PCNX2: variants seen among roughly 807,000 people sequenced by gnomAD.
The protein encoded by PCNX2 is pecanex 2.
A neutral mutation model predicts 223.8 loss-of-function variants in PCNX2; 168 were observed. That is an observed-to-expected ratio of 0.75 (90% confidence interval 0.66 to 0.85). The LOEUF is 0.85. PCNX2 is among the 40% of genes least tolerant of loss of function. PCNX2 has a pLI of 0.00. For missense variants in PCNX2, 2,507 were observed against 2,675.5 expected, an observed-to-expected ratio of 0.94 and a Z score of 1.39; for synonymous variants, 1,006 against 1,052.6, an observed-to-expected ratio of 0.96 and a Z score of 0.86.
At chr1:233,239,280 C>T (rs926500865) in intron 8 of PCNX2, among the ~76,000 whole-genome samples, 15 of 152,252 alleles carry the variant, frequency 9.9e-5, no homozygotes, top group East Asian at 9.6e-4. Flanking sequence ...GAATTGACTA[C>T]GACATAATGT....
chr1:233,192,177 C>G (rs1180081076), intron 15 of PCNX2, among the ~76,000 whole-genome samples: 2 of 152,138 alleles, frequency 1.3e-5, no homozygotes, highest in Non-Finnish European at 2.9e-5. Context: ...AGACAAAAGT[C>G]ATAAAATCTA....
chr1:233,167,969 C>T (rs1219641602), intron 17 of PCNX2: 1 of 338,466 alleles, frequency 3.0e-6, no homozygotes, highest in Non-Finnish European at 4.2e-6. Flanking sequence ...CTGGTACTGC[C>T]CTCTTCCTTC....
the PCNX2 span, among the ~76,000 whole-genome samples, chr1:233,316,772 G>C: frequency 2.0e-5 from 3 of 151,974 alleles, no homozygotes; most frequent in Admixed American, 6.6e-5. Flanking sequence ...CTGAATACCA[G>C]GTTAACCCCC....
chr1:233,283,620 T>A (rs1661297656), intron 1 of PCNX2, among the ~76,000 whole-genome samples: 1 of 152,080 alleles, frequency 6.6e-6, no homozygotes, highest in African/African-American at 2.4e-5. Context: ...TAGGAATAGA[T>A]TATACTCCCA....
chr1:233,028,812 C>A (rs1172133938), intron 25 of PCNX2, among the ~76,000 whole-genome samples: 1 of 145,832 alleles, frequency 6.9e-6, no homozygotes. Flanking sequence ...ATTTATCCAA[C>A]TTTTTAAATT....
chr1:233,208,148 G>A (rs547940237), intron 13 of PCNX2, among the ~76,000 whole-genome samples: 130 of 152,140 alleles, frequency 8.5e-4, no homozygotes, highest in Non-Finnish European at 1.4e-3. Flanking sequence ...TAGTAGAGAC[G>A]GGGTTTCACC....
intron 15 of PCNX2, among the ~76,000 whole-genome samples, chr1:233,192,082 C>T (rs1280698587): frequency 1.3e-5 from 2 of 152,176 alleles, no homozygotes; most frequent in Non-Finnish European, 2.9e-5. Flanking sequence ...TCCTGTGTTT[C>T]AGACATGAGG....
intron 15 of PCNX2, among the ~76,000 whole-genome samples, chr1:233,194,455 A>G (rs1005688092): frequency 6.6e-6 from 1 of 152,188 alleles, no homozygotes; most frequent in African/African-American, 2.4e-5. Context: ...AAAGAAATGT[A>G]CATTGCAGAA....
In PCNX2 at chr1:233,139,606, A is replaced by G; in HGVS notation, c.3659+108T>C. ...ACCATGGCTTATTTTTACATGGCCA[A>G]TCACAGTCGGTAAAGGTTGGCTTCT... On this transcript the variant is annotated intron_variant, in intron 20 of 33. Transcript: ENST00000258229. The surrounding 1 kb of genome is among the most constrained non-coding windows in gnomAD (Gnocchi z 4.4). 7.6e-7 allele frequency: 1 copy of G among 1,317,930 alleles called. No individual in the cohort carries two copies. The highest frequency in any genetic ancestry group is 1.0e-6 in the Non-Finnish European group (1 of 970,236). The allele number at this position is 1,317,930 out of a possible 1,614,324, so 81.6% of individuals were successfully genotyped here. A position where few individuals can be genotyped will look rare whatever the true frequency, so the allele number is the denominator to read the frequency against.
intron 8 of PCNX2, among the ~76,000 whole-genome samples, chr1:233,245,330 CAG>C (rs1489351988): frequency 1.3e-5 from 2 of 152,228 alleles, no homozygotes; most frequent in African/African-American, 4.8e-5. Flanking sequence ...AGATGAATTT[CAG>C]AGAGGACTGA....
chr1:233,007,290 C>T (rs1223285787), intron 28 of PCNX2, among the ~76,000 whole-genome samples: 1 of 151,734 alleles, frequency 6.6e-6, no homozygotes, highest in Non-Finnish European at 1.5e-5. Context: ...GGTCACTAAG[C>T]GCTTTCCATT....
At chr1:233,172,258 C>G (rs777253995) in intron 17 of PCNX2, 1 of 719,354 alleles carries the variant, frequency 1.4e-6, no homozygotes, top group Non-Finnish European at 1.7e-6. Flanking sequence ...GTGCATTTTC[C>G]CTAAAAAAAC....
At chr1:233,017,186 ATTAAT>A (rs1370514373) in intron 26 of PCNX2, 32 bp from the exon 27 acceptor site, 2 of 1,510,344 alleles carry the variant, frequency 1.3e-6, no homozygotes, top group East Asian at 2.3e-5. Flanking sequence ...GATTTTATTT[ATTAAT>A]TTAATCTTAG....
intron 24 of PCNX2, 32 bp downstream of exon 24, chr1:233,057,200 A>G (rs1321706321): frequency 1.3e-6 from 2 of 1,521,672 alleles, no homozygotes; most frequent in East Asian, 4.5e-5. Flanking sequence ...ACAACAATAA[A>G]TAGTTGAAAA....
rs190967497 is a variant in PCNX2 at position 233,218,451 on chromosome 1, A to C, written c.2505-267T>G. Among the ~76,000 whole-genome samples, 608 of 151,854 alleles carry C rather than the reference A, an allele frequency of 4.0e-3. 4 individuals carry two copies. The highest frequency in any genetic ancestry group is 0.013 in the African/African-American group (543 of 41,424). On this transcript the variant is annotated intron_variant, in intron 10 of 33. Transcript: ENST00000258229. ...TTTTTTAGTAGAGATGGGGTTTCACAATGTTAGTCAGGATGGTCTTGATCT... is the reference window on the plus strand; with the variant it reads ...TTTTTTAGTAGAGATGGGGTTTCACCATGTTAGTCAGGATGGTCTTGATCT...
At chr1:233,294,016 C>A (rs958496090) in intron 1 of PCNX2, 30 of 983,832 alleles carry the variant, frequency 3.0e-5, no homozygotes, top group African/African-American at 3.5e-5. Context: ...GGTTTCCAAG[C>A]AGTTTCTGTA....
chr1:233,246,544 A>C (rs1365005013), intron 8 of PCNX2, among the ~76,000 whole-genome samples: 1 of 152,232 alleles, frequency 6.6e-6, no homozygotes. Flanking sequence ...GCACAGAAAA[A>C]TTAGATAATT....
chr1:232,999,141 T>G lies in PCNX2; in HGVS notation c.5567A>C (p.Asp1856Ala), dbSNP rs1036153146. 1 of 1,613,502 alleles carries G rather than the reference T, an allele frequency of 6.2e-7. No individual in the cohort carries two copies. Among genetic ancestry groups the G allele is most frequent in the African/African-American group, 1.3e-5 (1 of 74,906 alleles). The change falls in exon 31 of 34, where the codon GAC becomes GCC. Residue 1856 changes from aspartate to alanine, a missense_variant. Physicochemically the swap from Asp to Ala is moderately radical, Grantham distance 126 (BLOSUM62 -2). Around this residue, in one of 3 missense-constraint regions of PCNX2, gnomAD observed 1,372 missense variants for 1,509.4 expected, o/e 0.91. Coordinates refer to ENST00000258229, the MANE Select transcript of PCNX2 (RefSeq NM_014801.4). ...GGTCCAGAACCAGGTCCTAATTCTG[T>G]CCAAAGTGATGGGTCCACCCCAGAT... ...KNIWGGPITL[D>A]RIRTWFWTKW...
the PCNX2 span, among the ~76,000 whole-genome samples, chr1:233,320,539 A>G: frequency 6.6e-6 from 1 of 152,082 alleles, no homozygotes; most frequent in Non-Finnish European, 1.5e-5. Flanking sequence ...ATAACCACTA[A>G]TCTTTTCTAA....
Sources: allele counts gnomAD v4.1 joint callset (sites outside exome capture counted in the v4.1 genomes callset), GRCh38; gene constraint gnomAD v4.1.1; regional missense constraint gnomAD v4.1.1; non-coding constraint Gnocchi (gnomAD v3.1); transcripts MANE v1.5; gene names NCBI Gene and HGNC (gene_info 2026-07-23, HGNC 2026-07-21).